ABCC1: variants seen among roughly 807,000 people sequenced by gnomAD.
ABCC1 encodes the protein multidrug resistance-associated protein 1.
ABCC1 carries 83 observed loss-of-function variants against 172.9 expected under a neutral mutation model. That is an observed-to-expected ratio of 0.48 (90% CI 0.40 to 0.58). The LOEUF (loss-of-function observed/expected upper bound fraction) is 0.58. Among genes scored for constraint, ABCC1 ranks in the 20% least tolerant of loss-of-function variants. The pLI, the probability that ABCC1 is intolerant of heterozygous loss-of-function variation, is 0.00. For missense variants in ABCC1, 1,817 were observed against 2,002.7 expected (o/e 0.91, Z 1.77); for synonymous variants, 937 against 825.2 (o/e 1.14, Z -2.32).
chr16:16,102,105 CTG>C, intron 19 of ABCC1, among the ~76,000 whole-genome samples: 1 of 152,200 alleles, frequency 6.6e-6, no homozygotes, highest in South Asian at 2.1e-4. Context: ...TGGGACCTCT[CTG>C]TGGTCTAGGA....
chr16:16,048,633 T>G (rs975921459), intron 10 of ABCC1, among the ~76,000 whole-genome samples: 3 of 152,192 alleles, frequency 2.0e-5, no homozygotes. Context: ...ACTTATTCAT[T>G]AGTCCCTAAT....
At chr16:16,106,646 G>T in intron 20 of ABCC1, 92 bp from the exon 21 acceptor site, 1 of 1,536,254 alleles carries the variant, frequency 6.5e-7, no homozygotes, top group Non-Finnish European at 8.9e-7. Context: ...TTATGCCATG[G>T]TTCAGACCCA....
chr16:15,987,183 G>A (rs752546102), intron 1 of ABCC1, among the ~76,000 whole-genome samples: 11 of 152,152 alleles, frequency 7.2e-5, no homozygotes, highest in Admixed American at 2.0e-4. Context: ...AGAGAATGTG[G>A]AGGGATATTA....
chr16:15,999,830 C>G (rs533719874), intron 1 of ABCC1, among the ~76,000 whole-genome samples: 19 of 55,274 alleles, frequency 3.4e-4, no homozygotes, highest in African/African-American at 1.2e-3. Flanking sequence ...CTCTCTCTCT[C>G]TCTGTCTCTT....
At chr16:16,069,171 A>AT (rs1244698164) in intron 13 of ABCC1, among the ~76,000 whole-genome samples, 19 of 68,962 alleles carry the variant, frequency 2.8e-4, no homozygotes, top group Admixed American at 8.7e-4. Context: ...ATAAAATAAA[A>AT]ATAAATAAAT....
chr16:16,121,908 A>G, intron 23 of ABCC1, 67 bp from the exon 24 acceptor site: 2 of 1,552,350 alleles, frequency 1.3e-6, no homozygotes. Context: ...TCTCCAGCAC[A>G]GCCCTGCCCT....
chr16:16,031,941 C>T (rs1394235806), intron 5 of ABCC1, among the ~76,000 whole-genome samples: 2 of 152,102 alleles, frequency 1.3e-5, no homozygotes, highest in African/African-American at 4.8e-5. Context: ...AGCTGTGGGA[C>T]CTTGAACAAA....
intron 19 of ABCC1, among the ~76,000 whole-genome samples, chr16:16,100,366 G>T (rs996207213): frequency 3.3e-5 from 5 of 152,046 alleles, no homozygotes; most frequent in African/African-American, 4.8e-5. Context: ...TAGGAGAGCG[G>T]GGGGGCTCTC....
At chr16:16,023,492 T>C (rs1038050476) in intron 5 of ABCC1, among the ~76,000 whole-genome samples, 1 of 152,182 alleles carries the variant, frequency 6.6e-6, no homozygotes, top group Non-Finnish European at 1.5e-5. Context: ...CAAGGCCTGA[T>C]CTTGGACCGT....
At chr16:16,075,378 A>G (rs2050516201) in intron 14 of ABCC1, among the ~76,000 whole-genome samples, 1 of 151,482 alleles carries the variant, frequency 6.6e-6, no homozygotes, top group African/African-American at 2.4e-5. Context: ...TAATCCCGGC[A>G]CTTTGGAAGG....
intron 1 of ABCC1, among the ~76,000 whole-genome samples, chr16:16,007,432 C>T (rs1199940818): frequency 2.0e-5 from 3 of 152,144 alleles, no homozygotes; most frequent in Non-Finnish European, 1.5e-5. Flanking sequence ...ACTATCTTGC[C>T]TAGGCTGGTC....
At chr16:16,016,736 C>T (rs1415564670) in intron 5 of ABCC1, 115 bp downstream of exon 5, 47 of 1,437,346 alleles carry the variant, frequency 3.3e-5, no homozygotes, top group Non-Finnish European at 4.1e-5. Context: ...CTCCCTCAAC[C>T]CCTGATACAG....
chr16:15,981,468 C>T lies in ABCC1; in HGVS notation c.49-26348C>T, dbSNP rs185237161. Among the ~76,000 whole-genome samples, 4 of 152,334 alleles carry T rather than the reference C, an allele frequency of 2.6e-5. No individual in the cohort carries two copies. In the East Asian group the frequency reaches 5.8e-4, roughly 22 times the overall value. ...AACCTTGATTCTTGACTTTTGTCCA[C>T]AGGCTCAATACCACATGGAATCTCC... On this transcript the variant is annotated intron_variant, in intron 1 of 30. Transcript: ENST00000399410.
Position 16,141,770 on chromosome 16 carries a change from T to G in ABCC1, c.*489T>G. 6.3e-6 allele frequency: 1 copy of G among 157,734 alleles called. No homozygotes were observed. Among genetic ancestry groups the G allele is most frequent in the Non-Finnish European group, 1.4e-5 (1 of 71,652 alleles). 9.8% of individuals were successfully genotyped at this position (157,734 alleles called of 1,614,324 possible). ...TCTGGGTCTACCAGGAACGCTTCAT[T>G]TCCTTGGGGCTGCAGTTTTGTGGTT... On this transcript the variant is annotated 3_prime_UTR_variant, in exon 31 of 31. Coordinates refer to ENST00000399410, the MANE Select transcript of ABCC1 (RefSeq NM_004996.4).
chr16:16,060,974 G>A (rs1567360184), intron 12 of ABCC1, among the ~76,000 whole-genome samples: 2 of 152,110 alleles, frequency 1.3e-5, no homozygotes, highest in Non-Finnish European at 2.9e-5. Flanking sequence ...CTACTACCAT[G>A]CCCAGCTAAG....
chr16:16,134,601 T>TA, intron 28 of ABCC1, 93 bp downstream of exon 28: 1 of 1,094,126 alleles, frequency 9.1e-7, no homozygotes, highest in Non-Finnish European at 1.3e-6. Flanking sequence ...GGGGCAAACA[T>TA]ACATTTGGCC....
chr16:16,020,138 T>C (rs758425230), intron 5 of ABCC1, among the ~76,000 whole-genome samples: 1 of 152,272 alleles, frequency 6.6e-6, no homozygotes, highest in East Asian at 1.9e-4. Flanking sequence ...GCCAGGATGG[T>C]CTCGATCTCC....
chr16:16,115,892 T>A (rs1206367400), intron 23 of ABCC1, among the ~76,000 whole-genome samples: 3 of 151,794 alleles, frequency 2.0e-5, no homozygotes, highest in Non-Finnish European at 4.4e-5. Flanking sequence ...CCTTTCATTC[T>A]TTCTTTCTTT....
chr16:16,069,180 ATAAAT>A (rs2050234475), intron 13 of ABCC1, among the ~76,000 whole-genome samples: 8 of 135,876 alleles, frequency 5.9e-5, no homozygotes, highest in African/African-American at 2.3e-4. Flanking sequence ...AAATAAATAA[ATAAAT>A]AAATAAATAA....
Sources: gnomAD v4.1 joint callset for allele counts (sites outside exome capture counted in the v4.1 genomes callset) on GRCh38, gnomAD v4.1.1 for gene constraint, MANE v1.5 for transcripts, NCBI Gene and HGNC (gene_info 2026-07-23, HGNC 2026-07-21) for gene names.